Variants in XPR1 observed in about 807,000 individuals in gnomAD.
XPR1 encodes solute carrier family 53 member 1.
A neutral mutation model predicts 87.5 loss-of-function variants in XPR1; 28 were observed. The observed-to-expected ratio is 0.32, with a 90% CI of 0.24 to 0.44. The LOEUF (loss-of-function observed/expected upper bound fraction) is 0.44. Ranked by LOEUF, XPR1 falls within the 20% of genes least tolerant of loss-of-function variation. XPR1 has a pLI of 1.00. For synonymous variants in XPR1, 300 were observed against 306.1 expected, an observed-to-expected ratio of 0.98 and a Z score of 0.21; for missense variants, 559 against 862.3, an observed-to-expected ratio of 0.65 and a Z score of 4.41.
At position 180,810,783 on chromosome 1, in the gene XPR1, A is replaced by G. The variant is rs1166776927; in HGVS notation, c.682-624A>G. Among the ~76,000 whole-genome samples, 3 of 151,506 alleles carry G rather than the reference A, an allele frequency of 2.0e-5. No homozygotes were observed. In the East Asian group the frequency reaches 5.8e-4, roughly 29 times the overall value. ...CTATTTACAAAACTCATATGTATAT[A>G]TATATGTGTATATATGTATATATGT... On this transcript the variant is annotated intron_variant, in intron 6 of 14. Transcript: ENST00000367590.
intron 2 of XPR1, among the ~76,000 whole-genome samples, chr1:180,779,150 A>T (rs1297211186): frequency 6.6e-6 from 1 of 152,164 alleles, no homozygotes; most frequent in African/African-American, 2.4e-5. Flanking sequence ...TTAAAAAGAG[A>T]TCTTTTCTGA....
intron 1 of XPR1, among the ~76,000 whole-genome samples, chr1:180,636,941 A>G (rs974278234): frequency 6.6e-6 from 1 of 151,610 alleles, no homozygotes; most frequent in African/African-American, 2.4e-5. Context: ...AGTCCCACCT[A>G]CGCGGGAGAC....
At chr1:180,659,319 T>A (rs1374203317) in intron 1 of XPR1, among the ~76,000 whole-genome samples, 3 of 137,892 alleles carry the variant, frequency 2.2e-5, no homozygotes, top group African/African-American at 8.2e-5. Flanking sequence ...TGGCCTGTAG[T>A]CTGTCTTCCT....
chr1:180,718,026 G>T (rs1047312723), intron 2 of XPR1, among the ~76,000 whole-genome samples: 4 of 152,086 alleles, frequency 2.6e-5, no homozygotes, highest in African/African-American at 9.7e-5. Flanking sequence ...TAATCTAAGG[G>T]TTTAGCTGTT....
At chr1:180,657,994 A>T (rs1448646893) in intron 1 of XPR1, among the ~76,000 whole-genome samples, 1 of 152,092 alleles carries the variant, frequency 6.6e-6, no homozygotes, top group Admixed American at 6.6e-5. Context: ...TTTTCATTGT[A>T]GAGATCTATC....
At chr1:180,762,371 C>T (rs1442389602) in intron 2 of XPR1, among the ~76,000 whole-genome samples, 1 of 152,062 alleles carries the variant, frequency 6.6e-6, no homozygotes, top group Non-Finnish European at 1.5e-5. Flanking sequence ...TGTTGAAGTT[C>T]TGTGGTGAAC....
chr1:180,693,569 A>T (rs1290499650), intron 2 of XPR1, among the ~76,000 whole-genome samples: 1 of 152,186 alleles, frequency 6.6e-6, no homozygotes, highest in African/African-American at 2.4e-5. Flanking sequence ...AATGACAGAC[A>T]TTTATTCTCT....
intron 2 of XPR1, among the ~76,000 whole-genome samples, chr1:180,755,052 G>A (rs1297937258): frequency 2.0e-5 from 3 of 152,178 alleles, no homozygotes; most frequent in African/African-American, 4.8e-5. Flanking sequence ...GGAAGTTACC[G>A]ATATGGAGAA....
intron 2 of XPR1, among the ~76,000 whole-genome samples, chr1:180,697,943 A>T (rs891368612): frequency 1.3e-5 from 2 of 152,144 alleles, no homozygotes; most frequent in Non-Finnish European, 2.9e-5. Flanking sequence ...GAAATGTTCT[A>T]TAAGTGTCTG....
intron 2 of XPR1, among the ~76,000 whole-genome samples, chr1:180,686,365 T>C (rs1398069582): frequency 6.6e-6 from 1 of 152,196 alleles, no homozygotes; most frequent in Non-Finnish European, 1.5e-5. Flanking sequence ...TTTGTTATAA[T>C]TTCTGTTCTT....
intron 2 of XPR1, among the ~76,000 whole-genome samples, chr1:180,710,534 A>G (rs960843147): frequency 3.3e-5 from 5 of 152,198 alleles, no homozygotes; most frequent in African/African-American, 7.2e-5. Context: ...TCACAGATCA[A>G]CAGCATCCCA....
chr1:180,655,386 GTCTC>G (rs200586159), intron 1 of XPR1, among the ~76,000 whole-genome samples: 4,382 of 146,760 alleles, frequency 0.03, 82 homozygotes, highest in African/African-American at 0.062. Flanking sequence ...TCTGTTGATA[GTCTC>G]TCTCTCTCTC....
chr1:180,638,605 G>A (rs1654862082), intron 1 of XPR1, among the ~76,000 whole-genome samples: 1 of 152,004 alleles, frequency 6.6e-6, no homozygotes, highest in Admixed American at 6.5e-5. Flanking sequence ...TTTGCTATAG[G>A]CTGATTTGTC....
intron 11 of XPR1, among the ~76,000 whole-genome samples, chr1:180,863,407 A>C (rs1361747818): frequency 6.6e-6 from 1 of 152,206 alleles, no homozygotes; most frequent in African/African-American, 2.4e-5. Flanking sequence ...CATCTTTTGT[A>C]ACATTCGACG....
At chr1:180,741,057 G>A (rs553543231) in intron 2 of XPR1, among the ~76,000 whole-genome samples, 1 of 152,344 alleles carries the variant, frequency 6.6e-6, no homozygotes, top group South Asian at 2.1e-4. Flanking sequence ...ATTTTAGGGT[G>A]ACACATTCAA....
chr1:180,744,367 A>G (rs1044120108), intron 2 of XPR1, among the ~76,000 whole-genome samples: 1 of 151,892 alleles, frequency 6.6e-6, no homozygotes, highest in Non-Finnish European at 1.5e-5. Context: ...TTGATCGTAT[A>G]TTTTTGTGCC....
chr1:180,645,553 T>C (rs1655094887), intron 1 of XPR1, among the ~76,000 whole-genome samples: 1 of 152,210 alleles, frequency 6.6e-6, no homozygotes, highest in Non-Finnish European at 1.5e-5. Context: ...CACAGAAATA[T>C]GCTGCTAGTG....
intron 2 of XPR1, among the ~76,000 whole-genome samples, chr1:180,755,427 C>T (rs1013482525): frequency 5.3e-5 from 8 of 152,106 alleles, no homozygotes; most frequent in Non-Finnish European, 7.4e-5. Context: ...GTAGCTGAAC[C>T]GAGCTGTGTA....
chr1:180,671,808 C>T (rs1298508434), intron 1 of XPR1, among the ~76,000 whole-genome samples: 1 of 152,020 alleles, frequency 6.6e-6, no homozygotes, highest in Admixed American at 6.6e-5. Context: ...TCACCGCACA[C>T]AGCCAACTTT....
Sources: allele counts gnomAD v4.1 joint callset (sites outside exome capture counted in the v4.1 genomes callset), GRCh38; gene constraint gnomAD v4.1.1; transcripts MANE v1.5; gene names NCBI Gene and HGNC (gene_info 2026-07-23, HGNC 2026-07-21).